FER1L6: variants seen among roughly 807,000 people sequenced by gnomAD.
The protein encoded by FER1L6 is fer-1-like protein 6.
Under a neutral mutation model 219.2 loss-of-function variants are expected in FER1L6, and 177 were observed. That is an observed-to-expected ratio of 0.81 (90% CI 0.71 to 0.91). The LOEUF is 0.91. Ranked by LOEUF, FER1L6 falls within the 40% of genes least tolerant of loss-of-function variation. The pLI is 0.00. For synonymous variants in FER1L6, 768 were observed against 824.3 expected, an observed-to-expected ratio of 0.93 and a Z score of 1.17; for missense variants, 2,153 against 2,259.9, an observed-to-expected ratio of 0.95 and a Z score of 0.96.
chr8:123,854,966 T>G (rs1816605060), intron 1 of FER1L6, among the ~76,000 whole-genome samples: 1 of 152,216 alleles, frequency 6.6e-6, no homozygotes, highest in Admixed American at 6.5e-5. Flanking sequence ...TTCGGTACAT[T>G]CACAATGGCT....
In FER1L6 at chr8:124,118,955, T is replaced by C. The variant is rs1271038537; in HGVS notation, c.5390+11T>C. 3.8e-6 allele frequency: 6 copies of C among 1,593,528 alleles called. No homozygotes were observed. In the African/African-American group the frequency reaches 4.9e-5, roughly 13 times the overall value. On this transcript the variant is annotated intron_variant, in intron 40 of 40. Coordinates refer to ENST00000522917, the MANE Select transcript of FER1L6 (RefSeq NM_001039112.2). ...CCTGGCCAAGCCCAAGTGAGTGGAG[T>C]TGCTAGTGGGAACATCAGAAATGGG... is the stretch of plus-strand genomic sequence containing the variant.
At chr8:124,107,638 G>A (rs936950058) in intron 39 of FER1L6, among the ~76,000 whole-genome samples, 5 of 152,122 alleles carry the variant, frequency 3.3e-5, no homozygotes, top group Non-Finnish European at 5.9e-5. Flanking sequence ...GGTATGTCAG[G>A]TTATTATAGT....
Position 124,091,487 on chromosome 8 carries a change from G to A in FER1L6, c.4456G>A (p.Asp1486Asn). Residue 1486 changes from aspartate (D) to asparagine (N), a missense_variant, in exon 34 of 41, where the codon GAC (aspartate) becomes AAC (asparagine). Physicochemically the swap from Asp to Asn is conservative, Grantham distance 23 (BLOSUM62 1). Coordinates refer to ENST00000522917, the MANE Select transcript of FER1L6 (RefSeq NM_001039112.2). ...CGAAATCCTCACTAAGCTCTGCAAA[G>A]ACAACAAGCTGGATGGACCCTACTT... Reference protein sequence around the residue: ...PTEILTKLCKDNKLDGPYFHP... With the variant: ...PTEILTKLCKNNKLDGPYFHP... 1.2e-6 allele frequency: 2 copies of A among 1,613,940 alleles called. No individual in the cohort carries two copies. The highest frequency in any genetic ancestry group is 8.5e-7 in the Non-Finnish European group (1 of 1,179,840).
intron 39 of FER1L6, among the ~76,000 whole-genome samples, chr8:124,104,203 G>A (rs1822665376): frequency 6.6e-6 from 1 of 152,218 alleles, no homozygotes; most frequent in Non-Finnish European, 1.5e-5. Context: ...TTGCTGGAGA[G>A]GCTCCAGCCA....
intron 39 of FER1L6, among the ~76,000 whole-genome samples, chr8:124,118,106 T>C (rs1312748423): frequency 6.6e-6 from 1 of 152,080 alleles, no homozygotes; most frequent in East Asian, 1.9e-4. Context: ...TTGTTAAGGC[T>C]CTAGTGCCTA....
At chr8:123,952,040 TC>T (rs1814791482) in intron 1 of FER1L6, among the ~76,000 whole-genome samples, 1 of 152,242 alleles carries the variant, frequency 6.6e-6, no homozygotes, top group Non-Finnish European at 1.5e-5. Context: ...TGAGCAATTT[TC>T]TAATCCTGGC....
intron 1 of FER1L6, among the ~76,000 whole-genome samples, chr8:123,950,425 C>G (rs1272370788): frequency 6.6e-6 from 1 of 152,174 alleles, no homozygotes; most frequent in African/African-American, 2.4e-5. Flanking sequence ...AGTCCTACAG[C>G]CTTGCCCTCT....
intron 31 of FER1L6, among the ~76,000 whole-genome samples, chr8:124,072,553 A>G (rs1821120601): frequency 6.6e-6 from 1 of 152,210 alleles, no homozygotes; most frequent in Non-Finnish European, 1.5e-5. Context: ...TTTCAAAGGA[A>G]CATAAATGTA....
At chr8:124,084,729 T>C (rs1307113721) in intron 33 of FER1L6, among the ~76,000 whole-genome samples, 1 of 152,172 alleles carries the variant, frequency 6.6e-6, no homozygotes, top group Admixed American at 6.5e-5. Context: ...TATTTGCCTA[T>C]AGTTTTCATT....
At chr8:124,028,533 G>A (rs1818814007) in intron 18 of FER1L6, among the ~76,000 whole-genome samples, 1 of 151,846 alleles carries the variant, frequency 6.6e-6, no homozygotes, top group African/African-American at 2.4e-5. Flanking sequence ...GGAAGTGAAG[G>A]TGGGCGGGGG....
chr8:124,116,271 C>G (rs1041597196), intron 39 of FER1L6, among the ~76,000 whole-genome samples: 1 of 151,822 alleles, frequency 6.6e-6, no homozygotes, highest in Admixed American at 6.6e-5. Context: ...GCATGAAACA[C>G]CATGCAAGTT....
chr8:123,963,133 A>G, intron 2 of FER1L6, 145 bp from the exon 3 acceptor site: 1 of 1,042,434 alleles, frequency 9.6e-7, no homozygotes, highest in Non-Finnish European at 1.4e-6. Context: ...TGCCAATAAG[A>G]TGTTAAGTTT....
chr8:124,061,957 T>C lies in FER1L6; in HGVS notation c.3253T>C (p.Leu1085=). The C allele has an allele frequency of 6.2e-7, 1 of 1,614,164 alleles. No individual in the cohort carries two copies. ...TGTGGGCACCTACACCATCAACTAC[T>C]TGAAGCAGTTTTTGTGTAAACTCAG... is the stretch of plus-strand genomic sequence containing the variant. The part of the protein sequence containing the change: ...TLVGTYTINY[L]KQFLCKLREP... Residue 1085 remains leucine (L), a synonymous_variant, in exon 25 of 41, where the codon TTG becomes CTG. Coordinates refer to ENST00000522917, the MANE Select transcript of FER1L6 (RefSeq NM_001039112.2).
In FER1L6 at chr8:123,963,322, C is replaced by G; in HGVS notation, c.121C>G (p.Gln41Glu). The change falls in exon 3 of 41, where the codon CAG becomes GAG. Residue 41 changes from glutamine to glutamate, a missense_variant. Coordinates refer to ENST00000522917, the MANE Select transcript of FER1L6 (RefSeq NM_001039112.2). ...TEALQEEPSH[Q>E]EGPRGDLVHD... The stretch of plus-strand genomic sequence containing the variant: ...AGCACTGCAGGAGGAGCCTTCTCAC[C>G]AGGAAGGACCGAGAGGAGATTTGGT... 1 of 1,614,096 alleles carries G rather than the reference C, an allele frequency of 6.2e-7. No individual in the cohort carries two copies. The highest frequency in any genetic ancestry group is 1.1e-5 in the South Asian group (1 of 91,078).
At chr8:123,910,801 T>C (rs780914097) in intron 1 of FER1L6, among the ~76,000 whole-genome samples, 1 of 143,190 alleles carries the variant, frequency 7.0e-6, no homozygotes, top group Non-Finnish European at 1.5e-5. Context: ...TCCATATATA[T>C]AGAAGGGCAG....
intron 1 of FER1L6, among the ~76,000 whole-genome samples, chr8:123,875,906 G>A (rs1586433902): frequency 6.6e-6 from 1 of 152,122 alleles, no homozygotes; most frequent in East Asian, 1.9e-4. Context: ...TCTGCCCCAA[G>A]CCACTGTTGG....
chr8:123,909,491 G>A (rs1226804096), intron 1 of FER1L6, among the ~76,000 whole-genome samples: 1 of 152,126 alleles, frequency 6.6e-6, no homozygotes, highest in African/African-American at 2.4e-5. Context: ...TTAGGAGGAT[G>A]CCGCACAATC....
intron 20 of FER1L6, 95 bp downstream of exon 20, chr8:124,040,101 A>G: frequency 6.7e-7 from 1 of 1,497,512 alleles, no homozygotes; most frequent in South Asian, 1.2e-5. Flanking sequence ...GCATGTTGCA[A>G]ATACCTGCAT....
intron 6 of FER1L6, 53 bp from the exon 7 acceptor site, chr8:123,973,381 G>A: frequency 7.0e-7 from 1 of 1,419,004 alleles, no homozygotes; most frequent in Non-Finnish European, 1.0e-6. Context: ...AAGGGTCAAG[G>A]CCTCTTATCC....
Sources: gnomAD v4.1 joint callset for allele counts (sites outside exome capture counted in the v4.1 genomes callset) on GRCh38, gnomAD v4.1.1 for gene constraint, MANE v1.5 for transcripts, NCBI Gene and HGNC (gene_info 2026-07-23, HGNC 2026-07-21) for gene names.